Variants in PLIN2 observed in about 807,000 individuals in gnomAD.
PLIN2 encodes perilipin 2, also known as perilipin-2.
PLIN2 carries 33 observed loss-of-function variants against 30.6 expected under a neutral mutation model. The ratio of observed to expected loss-of-function variants is 1.08; its 90% confidence interval spans 0.82 to 1.44. The LOEUF is 1.44. Ranked by LOEUF, PLIN2 falls within the 40% of genes most tolerant of loss-of-function variation. The pLI, the probability that PLIN2 is intolerant of heterozygous loss-of-function variation, is 0.00. For synonymous variants in PLIN2, 205 were observed against 201.1 expected (o/e 1.02, Z -0.16); for missense variants, 610 against 531.8 (o/e 1.15, Z -1.45).
intron 1 of PLIN2, 65 bp from the exon 2 acceptor site, chr9:19,126,513 A>C: frequency 9.7e-7 from 1 of 1,032,836 alleles, no homozygotes. Flanking sequence ...TCCCCAACCC[A>C]AGCAAATGCT....
At chr9:19,125,366 A>T (rs1818379384) in intron 3 of PLIN2, 1 of 152,088 alleles carries the variant, frequency 6.6e-6, no homozygotes, top group South Asian at 2.1e-4. Context: ...CAGCCTGGCC[A>T]ACATGGCAAA....
downstream of PLIN2, among the ~76,000 whole-genome samples, chr9:19,114,402 A>T (rs1238910425): frequency 2.0e-5 from 3 of 150,710 alleles, no homozygotes; most frequent in Admixed American, 1.3e-4. Context: ...ATGTAGCTCT[A>T]TTTCACATTT....
chr9:19,126,385 C>G lies in PLIN2; in HGVS notation c.30+12G>C, dbSNP rs1370961807. Reference sequence around the variant, plus strand: ...GGAGAGAAAGTAGACAAAGGCTACTCAAAATTCATACCGGTTGTGGATCAA... The same window carrying G: ...GGAGAGAAAGTAGACAAAGGCTACTGAAAATTCATACCGGTTGTGGATCAA... On this transcript the variant is annotated intron_variant, in intron 2 of 7. Transcript: ENST00000276914. The G allele has an allele frequency of 3.1e-6, 5 of 1,613,774 alleles. No homozygotes were observed. In the Admixed American group the frequency reaches 6.7e-5, roughly 22 times the overall value.
At chr9:19,113,516 AC>A (rs1270231446), downstream of PLIN2, among the ~76,000 whole-genome samples, 1 of 151,358 alleles carries the variant, frequency 6.6e-6, no homozygotes, top group Non-Finnish European at 1.5e-5. Flanking sequence ...CTCCAACTCA[AC>A]TCACCTGTTT....
chr9:19,117,217 C>T (rs1818242382), intron 7 of PLIN2, among the ~76,000 whole-genome samples: 1 of 150,220 alleles, frequency 6.7e-6, no homozygotes, highest in Non-Finnish European at 1.5e-5. Flanking sequence ...CTGGAGGGCA[C>T]TGGCACAATC....
At position 19,118,421 on chromosome 9, in the gene PLIN2, T is replaced by C. The variant is rs1245010657; in HGVS notation, c.812A>G (p.Asn271Ser). The change falls in exon 7 of 8, where the codon AAT (asparagine) becomes AGT (serine). Residue 271 changes from asparagine to serine, a missense_variant. Asn to Ser is a conservative substitution (Grantham distance 46, BLOSUM62 1). Coordinates refer to ENST00000276914, the MANE Select transcript of PLIN2 (RefSeq NM_001122.4). ...ATCCTGAGCATCCTGAATTTTCTGA[T>C]TGGCACTATACACATTCTTCCTGGC... ...EFARKNVYSA[N>S]QKIQDAQDKL... The C allele has an allele frequency of 1.9e-6, 3 of 1,613,786 alleles. No individual in the cohort carries two copies. The highest frequency in any genetic ancestry group is 1.7e-6 in the Non-Finnish European group (2 of 1,179,858).
rs369671467 is a variant in PLIN2 at position 19,118,317 on chromosome 9, T to C, written c.912+4A>G. On this transcript the variant is annotated splice_donor_region_variant and intron_variant, in intron 7 of 7. Transcript: ENST00000276914. ...CCAACAAATGACCGTCCCAGTCATCTTACCTCAGCACAGTGGGACTCATCA... is the reference window on the plus strand; with the variant it reads ...CCAACAAATGACCGTCCCAGTCATCCTACCTCAGCACAGTGGGACTCATCA... 2.5e-6 allele frequency: 4 copies of C among 1,594,802 alleles called. No homozygotes were observed. Among genetic ancestry groups the C allele is most frequent in the Non-Finnish European group, 3.4e-6 (4 of 1,173,262 alleles).
intron 3 of PLIN2, 134 bp downstream of exon 3, chr9:19,125,980 T>A: frequency 1.6e-6 from 1 of 630,574 alleles, no homozygotes; most frequent in Non-Finnish European, 2.8e-6. Context: ...GTAATGAGGG[T>A]CACCTGAAAG....
chr9:19,123,610 G>A lies in PLIN2; in HGVS notation c.264C>T (p.Asp88=), dbSNP rs149792887. The A allele has an allele frequency of 1.4e-5, 22 of 1,614,052 alleles. No homozygotes were observed. In the African/African-American group the frequency reaches 2.3e-4, roughly 17 times the overall value. The change falls in exon 4 of 8, where the codon GAC becomes GAT. Residue 88 remains aspartate (D), a synonymous_variant. Transcript: ENST00000276914. ...GAATAGGCAGTCTCTCCTCAATCCT[G>A]TCTAGCCCCTTACAGGCATAGGTAT... ...VANTYACKGL[D]RIEERLPILN...
rs891230218 is a variant in PLIN2, at chr9:19,127,353, C to G, written c.-23+66G>C. On this transcript the variant is annotated intron_variant, in intron 1 of 7. Coordinates refer to ENST00000276914, the MANE Select transcript of PLIN2 (RefSeq NM_001122.4). The surrounding 1 kb of genome is among the most constrained non-coding windows in gnomAD (Gnocchi z 4.3). ...TCCCAAGGCCCCGGGGAGCCCCCCA[C>G]CCCAACTGGGCGCCGCTGGGGGCCC... 3 of 152,344 alleles carry G rather than the reference C, an allele frequency of 2.0e-5. No individual in the cohort carries two copies. The highest frequency in any genetic ancestry group is 7.2e-5 in the African/African-American group (3 of 41,436). The allele number at this position is 152,344 out of a possible 1,614,324, so 9.4% of individuals were successfully genotyped here.
chr9:19,121,411 T>G (rs1456855774), intron 4 of PLIN2, among the ~76,000 whole-genome samples: 1 of 151,152 alleles, frequency 6.6e-6, no homozygotes, highest in Non-Finnish European at 1.5e-5. Flanking sequence ...GATATGAAAT[T>G]TGTCTGTTTG....
chr9:19,122,575 GGCT>G, intron 4 of PLIN2, among the ~76,000 whole-genome samples: 1 of 57,044 alleles, frequency 1.8e-5, no homozygotes, highest in African/African-American at 5.3e-5. Flanking sequence ...GTATATAGCA[GGCT>G]ATACACCATA....
At position 19,116,584 on chromosome 9, in the gene PLIN2, G is replaced by A. The variant is rs140828478; in HGVS notation, c.978C>T (p.His326=). 9 of 1,614,120 alleles carry A rather than the reference G, an allele frequency of 5.6e-6. No individual in the cohort carries two copies. The highest frequency in any genetic ancestry group is 7.6e-6 in the Non-Finnish European group (9 of 1,179,992). The change falls in exon 8 of 8, where the codon CAC becomes CAT. Residue 326 remains histidine (H), a synonymous_variant. Coordinates refer to ENST00000276914, the MANE Select transcript of PLIN2 (RefSeq NM_001122.4). ...NLTQQLQTTC[H]TLLSNIQGVP... Reference sequence around the variant, plus strand: ...CACCTTGGATGTTGGACAGGAGGGTGTGGCACGTGGTCTGGAGCTGCTGAG... The same window carrying A: ...CACCTTGGATGTTGGACAGGAGGGTATGGCACGTGGTCTGGAGCTGCTGAG...
At chr9:19,122,852 G>A (rs1193773034) in intron 4 of PLIN2, among the ~76,000 whole-genome samples, 3 of 152,094 alleles carry the variant, frequency 2.0e-5, no homozygotes, top group Non-Finnish European at 2.9e-5. Context: ...GCTGGTCCAT[G>A]GAAAAACTGT....
chr9:19,124,719 C>G (rs1818369513), intron 3 of PLIN2, among the ~76,000 whole-genome samples: 1 of 152,086 alleles, frequency 6.6e-6, no homozygotes, highest in African/African-American at 2.4e-5. Context: ...CCAGCAATTC[C>G]ACTCCTGGGT....
Position 19,126,242 on chromosome 9 carries a change from T to C in PLIN2, c.98A>G (p.Tyr33Cys), listed in dbSNP as rs745334191. 1.2e-6 allele frequency: 2 copies of C among 1,614,108 alleles called. No individual in the cohort carries two copies. The highest frequency in any genetic ancestry group is 1.1e-5 in the South Asian group (1 of 91,078). The change falls in exon 3 of 8, where the codon TAT (tyrosine) becomes TGT (cysteine). Residue 33 changes from tyrosine to cysteine, a missense_variant. By Grantham distance (194) the Tyr-to-Cys change is radical. Transcript: ENST00000276914. Reference protein sequence around the residue: ...SSTYDLMSSAYLSTKDQYPYL... With the variant: ...SSTYDLMSSACLSTKDQYPYL... ...GGGATACTGGTCCTTTGTACTGAGATAGGCTGAGGACATGAGGTCATACGT... is the reference window on the plus strand; with the variant it reads ...GGGATACTGGTCCTTTGTACTGAGACAGGCTGAGGACATGAGGTCATACGT...
chr9:19,123,594 G>A lies in PLIN2; in HGVS notation c.280C>T (p.Leu94=). ...GTTGATGGCTGATTCAGAATAGGCA[G>A]TCTCTCCTCAATCCTGTCTAGCCCC... The part of the protein sequence containing the change: ...CKGLDRIEER[L]PILNQPSTQI... The change falls in exon 4 of 8, where the codon CTG becomes TTG. Residue 94 remains leucine (L), a synonymous_variant. Coordinates refer to ENST00000276914, the MANE Select transcript of PLIN2 (RefSeq NM_001122.4). 6.2e-7 allele frequency: 1 copy of A among 1,614,226 alleles called. No homozygotes were observed. The highest frequency in any genetic ancestry group is 8.5e-7 in the Non-Finnish European group (1 of 1,180,038).
At chr9:19,113,149 C>G (rs555762713), downstream of PLIN2, among the ~76,000 whole-genome samples, 6 of 152,024 alleles carry the variant, frequency 3.9e-5, no homozygotes, top group South Asian at 1.2e-3. Context: ...TCGAGACCAG[C>G]CTGGCCAATG....
downstream of PLIN2, among the ~76,000 whole-genome samples, chr9:19,111,914 A>G (rs1285893553): frequency 1.3e-5 from 2 of 152,100 alleles, no homozygotes; most frequent in African/African-American, 4.8e-5. Context: ...TAGTTCTTTA[A>G]TACCTATAAC....
Sources: gnomAD v4.1 joint callset for allele counts (sites outside exome capture counted in the v4.1 genomes callset) on GRCh38, gnomAD v4.1.1 for gene constraint, Gnocchi (gnomAD v3.1) non-coding constraint, MANE v1.5 for transcripts, NCBI Gene and HGNC (gene_info 2026-07-23, HGNC 2026-07-21) for gene names.